PRPF6: variants seen among roughly 807,000 people sequenced by gnomAD.
PRPF6 encodes pre-mRNA-processing factor 6.
A neutral mutation model predicts 118.3 loss-of-function variants in PRPF6; 42 were observed. That is an observed-to-expected ratio of 0.35 (90% CI 0.28 to 0.46). The LOEUF (loss-of-function observed/expected upper bound fraction) is 0.46. Ranked by LOEUF, PRPF6 falls within the 20% of genes least tolerant of loss-of-function variation. PRPF6 has a pLI of 1.00. For synonymous variants in PRPF6, 481 were observed against 485.1 expected, an observed-to-expected ratio of 0.99 and a Z score of 0.11; for missense variants, 662 against 1,255.7, an observed-to-expected ratio of 0.53 and a Z score of 7.15.
At chr20:63,998,546 AAAAT>A (rs2123017363) in intron 6 of PRPF6, among the ~76,000 whole-genome samples, 1 of 151,122 alleles carries the variant, frequency 6.6e-6, no homozygotes, top group East Asian at 2.0e-4. Flanking sequence ...AAAATAAATA[AAAAT>A]ATAGATCTTG....
At chr20:64,030,605 G>A (rs1230388430) in intron 19 of PRPF6, among the ~76,000 whole-genome samples, 1 of 152,148 alleles carries the variant, frequency 6.6e-6, no homozygotes, top group African/African-American at 2.4e-5. Context: ...CCTGCCCTGT[G>A]CGTTCACCTC....
chr20:64,001,435 C>T (rs1039733236), intron 9 of PRPF6, among the ~76,000 whole-genome samples, 196 bp downstream of exon 9: 1 of 152,294 alleles, frequency 6.6e-6, no homozygotes, highest in African/African-American at 2.4e-5. Context: ...AGTTCCCATC[C>T]TGGAAGGGAT....
Position 64,026,209 on chromosome 20 carries a change from TGTGGCCGGGCGTG to T in PRPF6, c.2028+163_2028+175del, listed in dbSNP as rs933890315. 4.2e-6 allele frequency: 6 copies of T among 1,442,310 alleles called. No homozygotes were observed. The highest frequency in any genetic ancestry group is 5.6e-6 in the Non-Finnish European group (6 of 1,064,050). The allele number at this position is 1,442,310 out of a possible 1,614,324, so 89.3% of individuals were successfully genotyped here. ...CTTTGTGATGTGACTAAAACATTCA[TGTGGCCGGGCGTG>T]GTGGCCGGGCGCGGTGGCTCACGCC... On this transcript the variant is annotated intron_variant, in intron 15 of 20. Transcript: ENST00000266079. This position sits in a 1 kb window ranked among gnomAD's most constrained non-coding sequence, Gnocchi z 4.4.
chr20:63,984,179 T>G (rs886180939), intron 2 of PRPF6, among the ~76,000 whole-genome samples: 8 of 152,108 alleles, frequency 5.3e-5, no homozygotes, highest in Non-Finnish European at 7.4e-5. Context: ...CTGGCACTTT[T>G]GGAGGCCGAG....
At chr20:63,990,147 C>T (rs1173879139) in intron 3 of PRPF6, among the ~76,000 whole-genome samples, 1 of 152,178 alleles carries the variant, frequency 6.6e-6, no homozygotes, top group Admixed American at 6.5e-5. Context: ...AGCCACCGTG[C>T]CCAGTCTTGC....
chr20:64,002,410 A>G (rs1243735504), intron 9 of PRPF6, among the ~76,000 whole-genome samples: 3 of 149,914 alleles, frequency 2.0e-5, no homozygotes, highest in Non-Finnish European at 3.0e-5. Context: ...ATCTTGGCTC[A>G]CTGCAGCCTC....
chr20:64,031,163 G>A (rs996411191), intron 19 of PRPF6, among the ~76,000 whole-genome samples: 19 of 152,236 alleles, frequency 1.2e-4, no homozygotes, highest in Middle Eastern at 3.2e-3. Flanking sequence ...CCAGGCCCTT[G>A]TGCTGCCTGG....
At chr20:64,016,359 C>G (rs954328679) in intron 11 of PRPF6, among the ~76,000 whole-genome samples, 6 of 152,082 alleles carry the variant, frequency 3.9e-5, no homozygotes, top group African/African-American at 1.4e-4. Flanking sequence ...GAACTCCTGA[C>G]CACGTGATCC....
chr20:64,027,085 T>C lies in PRPF6; in HGVS notation c.2132T>C (p.Leu711Pro). ...ALRHYEDFPK[L>P]WMMKGQIEEQ... ...CGGCACTATGAGGACTTCCCCAAGC[T>C]GTGGATGATGAAGGGGCAGATCGAG... is the stretch of plus-strand genomic sequence containing the variant. The change falls in exon 16 of 21, where the codon CTG becomes CCG. Residue 711 changes from leucine to proline, a missense_variant. Coordinates refer to ENST00000266079, the MANE Select transcript of PRPF6 (RefSeq NM_012469.4). This position sits in a 1 kb window ranked among gnomAD's most constrained non-coding sequence, Gnocchi z 6.5. 1 of 1,614,018 alleles carries C rather than the reference T, an allele frequency of 6.2e-7. No individual in the cohort carries two copies. Among genetic ancestry groups the C allele is most frequent in the Non-Finnish European group, 8.5e-7 (1 of 1,180,004 alleles).
At position 64,026,791 on chromosome 20, in the gene PRPF6, C is replaced by G. The variant is rs1277000885; in HGVS notation, c.2029-191C>G. Among the ~76,000 whole-genome samples, 1 of 147,426 alleles carries G rather than the reference C, an allele frequency of 6.8e-6. No homozygotes were observed. The highest frequency in any genetic ancestry group is 1.5e-5 in the Non-Finnish European group (1 of 67,368). On this transcript the variant is annotated intron_variant, in intron 15 of 20. Coordinates refer to ENST00000266079, the MANE Select transcript of PRPF6 (RefSeq NM_012469.4). The surrounding 1 kb of genome is among the most constrained non-coding windows in gnomAD (Gnocchi z 4.4). The stretch of plus-strand genomic sequence containing the variant: ...CTCCAGCCTGGGTGACAGAGCGAGA[C>G]TCTATCTCAAAAAAAAACAAAACAA...
intron 1 of PRPF6, among the ~76,000 whole-genome samples, chr20:63,981,643 T>TCCCCCCCCCCC (rs11295538): frequency 1.8e-4 from 23 of 124,376 alleles, no homozygotes; most frequent in Middle Eastern, 3.9e-3. Context: ...GGGCTGACAC[T>TCCCCCCCCCCC]CCCCCCCCCC....
intron 3 of PRPF6, 74 bp downstream of exon 3, chr20:63,985,099 C>T (rs534084465): frequency 3.6e-4 from 427 of 1,196,596 alleles, no homozygotes; most frequent in Admixed American, 1.3e-3. Flanking sequence ...CGCAGTGGCT[C>T]ACGTGTGTAA....
In PRPF6 at chr20:64,025,903, C is replaced by A. The variant is rs759899416; in HGVS notation, c.1909-36C>A. 4 of 1,613,340 alleles carry A rather than the reference C, an allele frequency of 2.5e-6. No homozygotes were observed. The South Asian group carries it at 4.4e-5, about 18-fold the overall frequency. ...GTGATCAGGCGCTGGTCCCTGTGTTCTGACCCCTCTTGACGCTGCTGTACT... is the reference window on the plus strand; with the variant it reads ...GTGATCAGGCGCTGGTCCCTGTGTTATGACCCCTCTTGACGCTGCTGTACT... On this transcript the variant is annotated intron_variant, in intron 14 of 20. Transcript: ENST00000266079.
intron 19 of PRPF6, 76 bp from the exon 20 acceptor site, chr20:64,031,842 C>T: frequency 6.2e-7 from 1 of 1,604,626 alleles, no homozygotes; most frequent in Admixed American, 1.7e-5. Context: ...AGCTGATGGC[C>T]CTGAAGCCGT....
In PRPF6 at chr20:64,026,506, GCAACAA is replaced by G. The variant is rs764615574; in HGVS notation, c.2028+461_2029-458del. 7.0e-6 allele frequency among the ~76,000 whole-genome samples: 1 copy of G among 143,034 alleles called. No homozygotes were observed. Among genetic ancestry groups the G allele is most frequent in the African/African-American group, 2.6e-5 (1 of 37,828 alleles). 93.8% of individuals were successfully genotyped at this position (143,034 alleles called of 152,430 possible). A position where few individuals can be genotyped will look rare whatever the true frequency, so the allele number is the denominator to read the frequency against. On this transcript the variant is annotated intron_variant, in intron 15 of 20. Transcript: ENST00000266079. This position sits in a 1 kb window ranked among gnomAD's most constrained non-coding sequence, Gnocchi z 4.4. ...GGGCAGCAAGAGGGAAACTGTCTCA[GCAACAA>G]CAACAACAACAAACATGTTCATACG... is the stretch of plus-strand genomic sequence containing the variant.
chr20:63,997,841 C>T (rs2123015126), intron 6 of PRPF6, among the ~76,000 whole-genome samples: 1 of 152,186 alleles, frequency 6.6e-6, no homozygotes, highest in East Asian at 1.9e-4. Context: ...TCCCAAAGTG[C>T]TGGGATTACA....
Position 63,993,502 on chromosome 20 carries a change from G to C in PRPF6, c.438+17G>C. 1 of 1,598,634 alleles carries C rather than the reference G, an allele frequency of 6.3e-7. No individual in the cohort carries two copies. Reference sequence around the variant, plus strand: ...GACCTCAAGGTGAGCCGATGAAGCGGTGAATGGTGTGCGGTTTCTAACGCT... The same window carrying C: ...GACCTCAAGGTGAGCCGATGAAGCGCTGAATGGTGTGCGGTTTCTAACGCT... On this transcript the variant is annotated intron_variant, in intron 4 of 20. Coordinates refer to ENST00000266079, the MANE Select transcript of PRPF6 (RefSeq NM_012469.4).
At position 64,030,675 on chromosome 20, in the gene PRPF6, T is replaced by C. The variant is rs6062338; in HGVS notation, c.2546+1184T>C. ...AGCCATAAAACCTTATAAAAGGCTT[T>C]GCTAAAGTAAATAAGTCACTCCTTG... On this transcript the variant is annotated intron_variant, in intron 19 of 20. Transcript: ENST00000266079. Among the ~76,000 whole-genome samples, 1,103 of 152,344 alleles carry C rather than the reference T, an allele frequency of 7.2e-3. 6 individuals carry two copies. The highest frequency in any genetic ancestry group is 0.012 in the Non-Finnish European group (836 of 68,020).
At chr20:63,991,610 T>C (rs968713698) in intron 3 of PRPF6, among the ~76,000 whole-genome samples, 1 of 152,000 alleles carries the variant, frequency 6.6e-6, no homozygotes, top group Non-Finnish European at 1.5e-5. Context: ...GCCAACATGG[T>C]GAAACCCCGT....
Sources: gnomAD v4.1 joint callset for allele counts (sites outside exome capture counted in the v4.1 genomes callset) on GRCh38, gnomAD v4.1.1 for gene constraint, Gnocchi (gnomAD v3.1) non-coding constraint, MANE v1.5 for transcripts, NCBI Gene and HGNC (gene_info 2026-07-23, HGNC 2026-07-21) for gene names.